IDE: variants seen among roughly 807,000 people sequenced by gnomAD.
IDE encodes insulin-degrading enzyme.
IDE carries 58 observed loss-of-function variants against 133.2 expected under a neutral mutation model. The ratio of observed to expected loss-of-function variants is 0.44; its 90% CI spans 0.35 to 0.54. IDE has a LOEUF of 0.54. Ranked by LOEUF, IDE falls within the 20% of genes least tolerant of loss-of-function variation. The probability of loss-of-function intolerance (pLI) is 0.00; values close to 1 mark genes in which losing one functional copy is unlikely to be tolerated. For missense variants in IDE, 981 were observed against 1,234.0 expected (o/e 0.79, Z 3.07); for synonymous variants, 396 against 421.3 (o/e 0.94, Z 0.73).
intron 1 of IDE, among the ~76,000 whole-genome samples, chr10:92,568,226 G>A (rs12355977): frequency 1.3e-5 from 2 of 151,848 alleles, no homozygotes; most frequent in Non-Finnish European, 2.9e-5. Context: ...GTTCTGGCTA[G>A]AGAAATACAT....
chr10:92,504,856 C>T lies in IDE; in HGVS notation c.1368G>A (p.Leu456=). 1.3e-6 allele frequency: 2 copies of T among 1,587,052 alleles called. No individual in the cohort carries two copies. The highest frequency in any genetic ancestry group is 1.7e-6 in the Non-Finnish European group (2 of 1,166,994). ...LEEVLTAEYL[L]EEFRPDLIEM... is the part of the protein sequence containing the mutation. ...CTATTAAGTCAGGTCTAAATTCTTC[C>T]AGTAAATATTCCGCTGTGAGCACCT... The change falls in exon 11 of 25, where the codon CTG becomes CTA. Residue 456 remains leucine, a synonymous_variant. Transcript: ENST00000265986.
At chr10:92,456,494 C>T (rs1845014547) in intron 22 of IDE, 63 bp from the exon 23 acceptor site, 3 of 1,063,840 alleles carry the variant, frequency 2.8e-6, no homozygotes, top group Non-Finnish European at 4.4e-6. Context: ...ATGAGGTGTT[C>T]TCTGAAGACT....
intron 11 of IDE, among the ~76,000 whole-genome samples, chr10:92,492,031 C>T (rs1017481118): frequency 9.9e-5 from 15 of 151,966 alleles, no homozygotes; most frequent in Admixed American, 3.3e-4. Flanking sequence ...GAGGCCAAGG[C>T]GGGAAGATCA....
Position 92,494,370 on chromosome 10 carries a change from GT to G in IDE, c.1431-3776del, listed in dbSNP as rs552537353. Among the ~76,000 whole-genome samples the G allele has an allele frequency of 8.0e-3, 1,111 of 138,358 alleles. 2 individuals are homozygous for G. The highest frequency in any genetic ancestry group is 0.02 in the African/African-American group (756 of 37,694). The allele number at this position is 138,358 out of a possible 152,430, so 90.8% of individuals were successfully genotyped here. A position where few individuals can be genotyped will look rare whatever the true frequency, so the allele number is the denominator to read the frequency against. On this transcript the variant is annotated intron_variant, in intron 11 of 24. Transcript: ENST00000265986. ...GGCATGAGCTACCATGCCCAGCCCA[GT>G]TTTTTTTTTTTTTTTAATGTGGCTA...
intron 1 of IDE, among the ~76,000 whole-genome samples, chr10:92,559,742 T>A (rs1365041449): frequency 2.7e-4 from 40 of 150,286 alleles, no homozygotes; most frequent in Non-Finnish European, 4.3e-4. Flanking sequence ...GGTATATTTT[T>A]TTTTTTTTTT....
chr10:92,466,402 C>T (rs964848716), intron 19 of IDE, among the ~76,000 whole-genome samples: 2 of 151,906 alleles, frequency 1.3e-5, no homozygotes, highest in Non-Finnish European at 2.9e-5. Context: ...CTGCAACCTC[C>T]GCCTACTGGG....
chr10:92,566,904 C>T (rs1784086713), intron 1 of IDE, among the ~76,000 whole-genome samples: 1 of 152,130 alleles, frequency 6.6e-6, no homozygotes. Flanking sequence ...ACAGCTGAAT[C>T]CACTTAGACC....
intron 11 of IDE, among the ~76,000 whole-genome samples, chr10:92,494,474 G>A (rs1228157781): frequency 1.3e-5 from 2 of 151,822 alleles, no homozygotes; most frequent in African/African-American, 2.4e-5. Flanking sequence ...AGGCACAGTG[G>A]CTCAAGCCTG....
chr10:92,548,227 T>C (rs762671472), intron 1 of IDE, among the ~76,000 whole-genome samples: 6 of 151,664 alleles, frequency 4.0e-5, no homozygotes, highest in Non-Finnish European at 5.9e-5. Context: ...AGGCGTGGTG[T>C]CAGACTCCTG....
At position 92,490,615 on chromosome 10, in the gene IDE, A is replaced by T. The variant is rs1219800196; in HGVS notation, c.1431-20T>A. 6.9e-7 allele frequency: 1 copy of T among 1,446,168 alleles called. No individual in the cohort carries two copies. Among genetic ancestry groups the T allele is most frequent in the East Asian group, 2.3e-5 (1 of 44,102 alleles). The allele number at this position is 1,446,168 out of a possible 1,614,324, so 89.6% of individuals were successfully genotyped here. Reference sequence around the variant, plus strand: ...GCAACCCTAGAGATAGAAAAAACAAACAAAAAAACCCTGTAAACTCATACT... The same window carrying T: ...GCAACCCTAGAGATAGAAAAAACAATCAAAAAAACCCTGTAAACTCATACT... On this transcript the variant is annotated intron_variant, in intron 11 of 24. Coordinates refer to ENST00000265986, the MANE Select transcript of IDE (RefSeq NM_004969.4).
intron 11 of IDE, among the ~76,000 whole-genome samples, chr10:92,499,839 T>G (rs150529456): frequency 6.6e-6 from 1 of 152,308 alleles, no homozygotes; most frequent in Non-Finnish European, 1.5e-5. Flanking sequence ...TTTTATAGAT[T>G]TAGTGTTTAT....
intron 1 of IDE, among the ~76,000 whole-genome samples, chr10:92,560,042 G>C (rs1843203857): frequency 6.6e-6 from 1 of 152,178 alleles, no homozygotes; most frequent in South Asian, 2.1e-4. Flanking sequence ...TTAAGGGAAA[G>C]AGTTAAACTC....
Position 92,574,064 on chromosome 10 carries a change from C to A in IDE, c.-45G>T. On this transcript the variant is annotated 5_prime_UTR_variant, in exon 1 of 25. Coordinates refer to ENST00000265986, the MANE Select transcript of IDE (RefSeq NM_004969.4). ...GATCACCGCAAACGCTTCCTGCTTG[C>A]GCTTCGAGCCGGCCCTGCGCACTGC... 7.0e-7 allele frequency: 1 copy of A among 1,437,784 alleles called. No individual in the cohort carries two copies. The highest frequency in any genetic ancestry group is 9.3e-7 in the Non-Finnish European group (1 of 1,075,782). 89.1% of individuals were successfully genotyped at this position (1,437,784 alleles called of 1,614,324 possible).
chr10:92,537,207 A>C (rs1482365424), intron 2 of IDE, among the ~76,000 whole-genome samples, 159 bp downstream of exon 2: 2 of 152,176 alleles, frequency 1.3e-5, no homozygotes, highest in Non-Finnish European at 2.9e-5. Context: ...GACTGAAACA[A>C]CTGCAGTTTA....
In IDE at chr10:92,454,612, G is replaced by A. The variant is rs551942123; in HGVS notation, c.2965-73C>T. Reference sequence around the variant, plus strand: ...AATAAGGACATCAACTTTTTTTGGCGGACACTGGGAGCATACCTCAGTTCT... The same window carrying A: ...AATAAGGACATCAACTTTTTTTGGCAGACACTGGGAGCATACCTCAGTTCT... On this transcript the variant is annotated intron_variant, in intron 24 of 24. Coordinates refer to ENST00000265986, the MANE Select transcript of IDE (RefSeq NM_004969.4). 811 of 1,050,842 alleles carry A rather than the reference G, an allele frequency of 7.7e-4. 11 individuals carry two copies. In the South Asian group the frequency reaches 8.0e-3, roughly 10 times the overall value. 65.1% of individuals were successfully genotyped at this position (1,050,842 alleles called of 1,614,324 possible). A position where few individuals can be genotyped will look rare whatever the true frequency, so the allele number is the denominator to read the frequency against.
At chr10:92,461,077 G>A (rs1042769974) in intron 22 of IDE, 114 bp downstream of exon 22, 49 of 579,016 alleles carry the variant, frequency 8.5e-5, no homozygotes, top group African/African-American at 7.5e-4. Context: ...CTGACCTCAA[G>A]TGATCCTTCC....
Position 92,457,940 on chromosome 10 carries a change from A to G in IDE, c.2824-1509T>C, listed in dbSNP as rs75275689. Among the ~76,000 whole-genome samples, 755 of 152,232 alleles carry G rather than the reference A, an allele frequency of 5.0e-3. 9 individuals are homozygous for G. The highest frequency in any genetic ancestry group is 0.017 in the African/African-American group (717 of 41,542). ...AACTCAGCCCAGGTCTGCCTCTATT[A>G]ACATGTAGTACCTCATCTAAGAACT... On this transcript the variant is annotated intron_variant, in intron 22 of 24. Transcript: ENST00000265986.
At chr10:92,494,589 A>C (rs1847578872) in intron 11 of IDE, among the ~76,000 whole-genome samples, 1 of 152,198 alleles carries the variant, frequency 6.6e-6, no homozygotes, top group South Asian at 2.1e-4. Flanking sequence ...TTAAAGAAAA[A>C]GAAAGAAATT....
At chr10:92,533,524 TC>T (rs2135680273) in intron 3 of IDE, among the ~76,000 whole-genome samples, 1 of 151,896 alleles carries the variant, frequency 6.6e-6, no homozygotes, top group East Asian at 1.9e-4. Flanking sequence ...TCATTATAGA[TC>T]CAAAAAGTTG....
Sources: gnomAD v4.1 joint callset for allele counts (sites outside exome capture counted in the v4.1 genomes callset) on GRCh38, gnomAD v4.1.1 for gene constraint, MANE v1.5 for transcripts, NCBI Gene and HGNC (gene_info 2026-07-23, HGNC 2026-07-21) for gene names.